Variants in RNF130 observed in about 807,000 individuals in gnomAD.
RNF130 encodes the protein E3 ubiquitin-protein ligase RNF130.
A neutral mutation model predicts 44.6 loss-of-function variants in RNF130; 21 were observed. The observed-to-expected ratio is 0.47, with a 90% CI of 0.33 to 0.68. The LOEUF is 0.68. Ranked by LOEUF, RNF130 falls within the 30% of genes least tolerant of loss-of-function variation. The probability of loss-of-function intolerance (pLI) is 0.02; values close to 1 mark genes in which losing one functional copy is unlikely to be tolerated. For missense variants in RNF130, 479 were observed against 560.6 expected, an observed-to-expected ratio of 0.85 and a Z score of 1.47; for synonymous variants, 214 against 210.4, an observed-to-expected ratio of 1.02 and a Z score of -0.15.
chr5:180,033,773 CTTGT>C (rs57844233), intron 2 of RNF130, among the ~76,000 whole-genome samples: 55,894 of 151,616 alleles, frequency 0.37, 11,103 homozygotes, highest in South Asian at 0.61. Flanking sequence ...TCTTTCAAGA[CTTGT>C]TTATTACATC....
At chr5:179,926,840 G>A (rs1255709819) in intron 7 of RNF130, among the ~76,000 whole-genome samples, 3 of 152,078 alleles carry the variant, frequency 2.0e-5, no homozygotes, top group Non-Finnish European at 2.9e-5. Context: ...CCCTCACCCT[G>A]GGGGACCTGA....
At chr5:179,938,762 C>G (rs990520114) in intron 7 of RNF130, among the ~76,000 whole-genome samples, 1 of 152,264 alleles carries the variant, frequency 6.6e-6, no homozygotes, top group African/African-American at 2.4e-5. Flanking sequence ...ATACCTTTCA[C>G]TACTAACTAC....
At position 180,071,553 on chromosome 5, in the gene RNF130, G is replaced by T. The variant is rs745644319; in HGVS notation, c.150C>A (p.Ala50=). 2 of 1,423,098 alleles carry T rather than the reference G, an allele frequency of 1.4e-6. No individual in the cohort carries two copies. The highest frequency in any genetic ancestry group is 3.2e-5 in the South Asian group (2 of 63,326). 88.2% of individuals were successfully genotyped at this position (1,423,098 alleles called of 1,614,324 possible). A position where few individuals can be genotyped will look rare whatever the true frequency, so the allele number is the denominator to read the frequency against. ...NVTVQEPGRG[A]PLTFRIDRGR... Reference sequence around the variant, plus strand: ...CGCGGTCGATGCGAAACGTGAGCGGGGCGCCGCGGCCGGGCTCCTGCACCG... The same window carrying T: ...CGCGGTCGATGCGAAACGTGAGCGGTGCGCCGCGGCCGGGCTCCTGCACCG... Residue 50 remains alanine (A), a synonymous_variant, in exon 1 of 9, where the codon GCC becomes GCA. Transcript: ENST00000521389.
chr5:180,037,871 A>G (rs187802851), intron 2 of RNF130, among the ~76,000 whole-genome samples: 22 of 152,206 alleles, frequency 1.4e-4, no homozygotes, highest in Non-Finnish European at 2.5e-4. Context: ...GCCGTTTCCT[A>G]TTGCTCTTAT....
intron 7 of RNF130, among the ~76,000 whole-genome samples, chr5:179,930,099 C>T (rs964352620): frequency 1.3e-5 from 2 of 151,930 alleles, no homozygotes; most frequent in Non-Finnish European, 2.9e-5. Flanking sequence ...CTCTTGTCGC[C>T]CAGGCTAGAG....
chr5:179,963,464 T>A lies in RNF130; in HGVS notation c.1244+7A>T. 6.2e-7 allele frequency: 1 copy of A among 1,610,050 alleles called. No individual in the cohort carries two copies. The highest frequency in any genetic ancestry group is 8.5e-7 in the Non-Finnish European group (1 of 1,176,714). On this transcript the variant is annotated splice_region_variant and intron_variant, in intron 8 of 8. Coordinates refer to ENST00000521389, the MANE Select transcript of RNF130 (RefSeq NM_018434.6). ...CACATGCAATCCAAAAACAATTTGT[T>A]ACTTACTCATTAGCATTCAAGCTAG...
chr5:179,946,296 C>G (rs747344442), intron 7 of RNF130, among the ~76,000 whole-genome samples: 1 of 152,198 alleles, frequency 6.6e-6, no homozygotes, highest in Non-Finnish European at 1.5e-5. Flanking sequence ...CGCGCGGGGT[C>G]TGTGTGTGGT....
chr5:180,043,252 G>A (rs1764470076), intron 1 of RNF130, among the ~76,000 whole-genome samples: 1 of 152,202 alleles, frequency 6.6e-6, no homozygotes, highest in Non-Finnish European at 1.5e-5. Context: ...TTGAGCCCAG[G>A]AGTTCAAGAT....
At chr5:180,020,405 C>T (rs1020139465) in intron 2 of RNF130, among the ~76,000 whole-genome samples, 2 of 152,140 alleles carry the variant, frequency 1.3e-5, no homozygotes, top group Admixed American at 6.5e-5. Flanking sequence ...ACGTGCTGTA[C>T]GCCACCACCA....
intron 1 of RNF130, among the ~76,000 whole-genome samples, chr5:180,070,163 CTG>C (rs756298697): frequency 6.6e-6 from 1 of 152,254 alleles, no homozygotes; most frequent in Non-Finnish European, 1.5e-5. Context: ...TCTGGCAACA[CTG>C]TGCATCTCAA....
At chr5:179,980,059 C>T (rs1762798399) in intron 4 of RNF130, 70 bp downstream of exon 4, 1 of 1,259,158 alleles carries the variant, frequency 7.9e-7, no homozygotes, top group African/African-American at 1.5e-5. Flanking sequence ...TAGGGTGTGT[C>T]CTCTCCCACC....
rs1762728654 is a variant in RNF130, at chr5:179,977,023, G to A, written c.848+1180C>T. ...TTCCAGGGCAACCAGGCACAGGCGA[G>A]TCCTTTCCTCATGGAGGAAGGCTTG... On this transcript the variant is annotated intron_variant, in intron 5 of 8. Transcript: ENST00000521389. The surrounding 1 kb of genome is among the most constrained non-coding windows in gnomAD (Gnocchi z 4.1). 1 of 152,214 alleles carries A rather than the reference G, an allele frequency of 6.6e-6. No homozygotes were observed. The highest frequency in any genetic ancestry group is 1.5e-5 in the Non-Finnish European group (1 of 68,056). The allele number at this position is 152,214 out of a possible 1,614,324, so 9.4% of individuals were successfully genotyped here. A position where few individuals can be genotyped will look rare whatever the true frequency, so the allele number is the denominator to read the frequency against.
chr5:179,965,555 T>C (rs1284527018), intron 7 of RNF130, among the ~76,000 whole-genome samples: 2 of 152,218 alleles, frequency 1.3e-5, no homozygotes, highest in Non-Finnish European at 2.9e-5. Flanking sequence ...GTTTGATCAA[T>C]GAAGGACCTG....
At position 179,955,673 on chromosome 5, in the gene RNF130, T is replaced by C. The variant is rs1349956145; in HGVS notation, c.1245-4A>G. ...TCTTCTTCAAAACCATTCTACCCTA[T>C]GGAATAAAAGGAAAAAAGAGGTCAT... On this transcript the variant is annotated splice_polypyrimidine_tract_variant and splice_region_variant and intron_variant, in intron 8 of 8. Coordinates refer to ENST00000521389, the MANE Select transcript of RNF130 (RefSeq NM_018434.6). 14 of 1,578,968 alleles carry C rather than the reference T, an allele frequency of 8.9e-6. No homozygotes were observed. Among genetic ancestry groups the C allele is most frequent in the Middle Eastern group, 1.7e-4 (1 of 5,916 alleles).
chr5:180,023,507 A>C (rs1240607099), intron 2 of RNF130, among the ~76,000 whole-genome samples: 1 of 152,202 alleles, frequency 6.6e-6, no homozygotes, highest in Non-Finnish European at 1.5e-5. Flanking sequence ...CAGCACCAGA[A>C]AGTAAGAAAG....
At position 180,005,701 on chromosome 5, in the gene RNF130, A is replaced by G. The variant is rs565225103; in HGVS notation, c.693+7360T>C. 4.6e-5 allele frequency among the ~76,000 whole-genome samples: 7 copies of G among 152,254 alleles called. No homozygotes were observed. The East Asian group carries it at 9.7e-4, about 21-fold the overall frequency. ...TTTAAAATTCAGCTCCAAGGTCACA[A>G]CCTACCTTCTCTGTGAAGTGTCCTT... On this transcript the variant is annotated intron_variant, in intron 3 of 8. Coordinates refer to ENST00000521389, the MANE Select transcript of RNF130 (RefSeq NM_018434.6).
chr5:180,016,369 A>G (rs1763731952), intron 2 of RNF130, among the ~76,000 whole-genome samples: 1 of 152,206 alleles, frequency 6.6e-6, no homozygotes, highest in African/African-American at 2.4e-5. Flanking sequence ...TAGGCTTCAC[A>G]ATAAAGGGCC....
intron 5 of RNF130, among the ~76,000 whole-genome samples, chr5:179,975,964 CG>C (rs1224581205): frequency 6.7e-6 from 1 of 149,008 alleles, no homozygotes; most frequent in Non-Finnish European, 1.5e-5. Flanking sequence ...GGCCTCCACC[CG>C]GGATGCTTCT....
At chr5:179,991,994 G>A (rs1763093988) in intron 3 of RNF130, among the ~76,000 whole-genome samples, 1 of 152,106 alleles carries the variant, frequency 6.6e-6, no homozygotes, top group Admixed American at 6.5e-5. Context: ...GATCTGAGAG[G>A]AGGAGCAGCT....
Sources: gnomAD v4.1 joint callset for allele counts (sites outside exome capture counted in the v4.1 genomes callset) on GRCh38, gnomAD v4.1.1 for gene constraint, Gnocchi (gnomAD v3.1) non-coding constraint, MANE v1.5 for transcripts, NCBI Gene and HGNC (gene_info 2026-07-23, HGNC 2026-07-21) for gene names.